RASSF3: variants seen among roughly 807,000 people sequenced by gnomAD.
RASSF3 encodes Ras association domain family member 3.
A neutral mutation model predicts 19.9 loss-of-function variants in RASSF3; 19 were observed. The observed-to-expected ratio is 0.96, with a 90% confidence interval of 0.67 to 1.40. RASSF3 has a LOEUF of 1.40. Ranked by LOEUF, RASSF3 falls within the 40% of genes most tolerant of loss-of-function variation. The pLI, the probability that RASSF3 is intolerant of heterozygous loss-of-function variation, is 0.00. For missense variants in RASSF3, 306 were observed against 289.8 expected (o/e 1.06, Z -0.41); for synonymous variants, 110 against 104.2 (o/e 1.06, Z -0.34).
chr12:64,626,542 G>A (rs945920855), intron 1 of RASSF3, among the ~76,000 whole-genome samples: 3 of 151,446 alleles, frequency 2.0e-5, no homozygotes, highest in Non-Finnish European at 2.9e-5. Context: ...ATTTCTAATG[G>A]TATTAGAATT....
downstream of RASSF3, among the ~76,000 whole-genome samples, chr12:64,544,874 A>G (rs140012777): frequency 6.6e-6 from 1 of 152,318 alleles, no homozygotes; most frequent in Non-Finnish European, 1.5e-5. Flanking sequence ...TTTCCCTAAC[A>G]AAGTTAACTC....
At chr12:64,566,036 A>C (rs1012333972) in intron 2 of RASSF3, among the ~76,000 whole-genome samples, 1 of 152,140 alleles carries the variant, frequency 6.6e-6, no homozygotes, top group Non-Finnish European at 1.5e-5. Context: ...CACCATCTCT[A>C]CTAAAAATAC....
intron 1 of RASSF3, among the ~76,000 whole-genome samples, chr12:64,625,825 T>C (rs1009211189): frequency 1.3e-5 from 2 of 152,056 alleles, no homozygotes; most frequent in Non-Finnish European, 2.9e-5. Context: ...ATTTAGGAAA[T>C]AGGCCTGCTT....
At chr12:64,680,520 T>C (rs1213492194) in intron 1 of RASSF3, among the ~76,000 whole-genome samples, 1 of 152,126 alleles carries the variant, frequency 6.6e-6, no homozygotes, top group African/African-American at 2.4e-5. Flanking sequence ...CCTTGGTGTA[T>C]GATTGCTACA....
chr12:64,544,822 T>C (rs181079423), downstream of RASSF3, among the ~76,000 whole-genome samples: 893 of 152,344 alleles, frequency 5.9e-3, 8 homozygotes, highest in Non-Finnish European at 8.3e-3. Flanking sequence ...CTCTGACCAA[T>C]GCTGAGTACA....
intron 1 of RASSF3, among the ~76,000 whole-genome samples, chr12:64,661,311 A>G (rs1872349078): frequency 3.3e-5 from 5 of 152,164 alleles, no homozygotes; most frequent in Admixed American, 3.3e-4. Flanking sequence ...GTTTGAGACC[A>G]GGCTGTCTCT....
At chr12:64,587,492 T>TA (rs1869832863) in intron 2 of RASSF3, among the ~76,000 whole-genome samples, 1 of 152,246 alleles carries the variant, frequency 6.6e-6, no homozygotes, top group African/African-American at 2.4e-5. Flanking sequence ...ACAAGACTGT[T>TA]ATGCTGCCTG....
At chr12:64,679,583 C>T (rs1032569885) in intron 1 of RASSF3, among the ~76,000 whole-genome samples, 2 of 152,140 alleles carry the variant, frequency 1.3e-5, no homozygotes, top group East Asian at 1.9e-4. Flanking sequence ...TCATGCTACC[C>T]GAGAACTCCT....
intron 1 of RASSF3, among the ~76,000 whole-genome samples, chr12:64,613,177 A>G (rs1870429432): frequency 6.6e-6 from 1 of 152,090 alleles, no homozygotes; most frequent in Non-Finnish European, 1.5e-5. Flanking sequence ...CTCTTAATGT[A>G]GAATGTTCCT....
At chr12:64,557,719 C>T (rs1027004005) in intron 2 of RASSF3, among the ~76,000 whole-genome samples, 2 of 152,108 alleles carry the variant, frequency 1.3e-5, no homozygotes, top group African/African-American at 4.8e-5. Flanking sequence ...ATGCATATTC[C>T]TCATCCTGAA....
chr12:64,621,586 T>A (rs1870767136), intron 1 of RASSF3, among the ~76,000 whole-genome samples: 1 of 152,212 alleles, frequency 6.6e-6, no homozygotes, highest in Admixed American at 6.5e-5. Flanking sequence ...CAAGTGATTC[T>A]CCTGCTTCAT....
At chr12:64,567,996 C>T (rs1264774380) in intron 2 of RASSF3, among the ~76,000 whole-genome samples, 3 of 152,278 alleles carry the variant, frequency 2.0e-5, no homozygotes, top group Middle Eastern at 3.4e-3. Context: ...TGCATGTGTC[C>T]GTGGTGTCTG....
At chr12:64,622,253 G>C (rs571010906) in intron 1 of RASSF3, among the ~76,000 whole-genome samples, 9 of 150,018 alleles carry the variant, frequency 6.0e-5, no homozygotes, top group African/African-American at 1.7e-4. Context: ...GTAGAGTCAG[G>C]GTTTCACCAT....
rs536869526 is a variant in RASSF3 at position 64,561,732 on chromosome 12, T to G, written c.294+20027T>G. 1.9e-3 allele frequency among the ~76,000 whole-genome samples: 284 copies of G among 149,594 alleles called. 2 individuals carry two copies. Among genetic ancestry groups the G allele is most frequent in the African/African-American group, 6.8e-3 (278 of 40,712 alleles). ...GCATTTATCTTTTTTTTTTTTTTTT[T>G]GAGATGGAGTCTCACTATGTCATGA... On this transcript the variant is annotated intron_variant, in intron 2 of 5. Transcript: ENST00000637125.
intron 2 of RASSF3, among the ~76,000 whole-genome samples, chr12:64,592,993 T>C (rs1402723285): frequency 6.6e-6 from 1 of 152,212 alleles, no homozygotes; most frequent in African/African-American, 2.4e-5. Flanking sequence ...AGATATTTGC[T>C]GTTTATGAAA....
rs201730918 is a variant in RASSF3 at position 64,604,129 on chromosome 12, CTTT to C, written c.294+62437_294+62439del. On this transcript the variant is annotated intron_variant, in intron 2 of 5. Coordinates refer to the RASSF3 transcript ENST00000637125. ...CCAAAGTGCTCGGATTACAGGTTTT[CTTT>C]TTTTTTTTTTTTAGACAGGGTTTGA... Among the ~76,000 whole-genome samples the C allele has an allele frequency of 7.0e-3, 888 of 125,988 alleles. 9 individuals are homozygous for C. Among genetic ancestry groups the C allele is most frequent in the African/African-American group, 0.024 (840 of 34,514 alleles). The allele number at this position is 125,988 out of a possible 152,430, so 82.7% of individuals were successfully genotyped here. A position where few individuals can be genotyped will look rare whatever the true frequency, so the allele number is the denominator to read the frequency against.
intron 1 of RASSF3, among the ~76,000 whole-genome samples, chr12:64,641,841 C>T (rs891892912): frequency 6.6e-6 from 1 of 151,472 alleles, no homozygotes; most frequent in Non-Finnish European, 1.5e-5. Context: ...CTCCCGGGTT[C>T]AAGCGATTCT....
Position 64,694,824 on chromosome 12 carries a change from A to T in RASSF3, c.629A>T (p.Asp210Val). ...TTGCGCATCTTGGACAAGGAAGAAGATGAACAGCTGCAGAACCTGAAGAGG... is the reference window on the plus strand; with the variant it reads ...TTGCGCATCTTGGACAAGGAAGAAGTTGAACAGCTGCAGAACCTGAAGAGG... ...NFLRILDKEE[D>V]EQLQNLKRRY... The change falls in exon 5 of 5, where the codon GAT becomes GTT. Residue 210 changes from aspartate (D) to valine (V), a missense_variant. By Grantham distance (152) the Asp-to-Val change is radical. Transcript: ENST00000542104. 1 of 1,614,238 alleles carries T rather than the reference A, an allele frequency of 6.2e-7. No individual in the cohort carries two copies. Among genetic ancestry groups the T allele is most frequent in the Non-Finnish European group, 8.5e-7 (1 of 1,180,026 alleles).
chr12:64,626,788 C>T (rs1871012072), intron 1 of RASSF3, among the ~76,000 whole-genome samples: 1 of 152,168 alleles, frequency 6.6e-6, no homozygotes, highest in African/African-American at 2.4e-5. Flanking sequence ...TGGTCTGGAA[C>T]TCCTGGGCTC....
Sources: gnomAD v4.1 joint callset for allele counts (sites outside exome capture counted in the v4.1 genomes callset) on GRCh38, gnomAD v4.1.1 for gene constraint, MANE v1.5 for transcripts, NCBI Gene and HGNC (gene_info 2026-07-23, HGNC 2026-07-21) for gene names.